The following PRKCI variants were observed in gnomAD, a reference collection of about 807,000 sequenced individuals.
PRKCI encodes protein kinase C iota, also known as protein kinase C iota type.
In PRKCI, 43 loss-of-function variants were observed where a neutral mutation model predicts 84.0. That is an observed-to-expected ratio of 0.51 (90% confidence interval 0.40 to 0.66). The LOEUF (loss-of-function observed/expected upper bound fraction) is 0.66, where lower values mean the gene tolerates loss of function less well. Among genes scored for constraint, PRKCI ranks in the 30% least tolerant of loss-of-function variants. The probability of loss-of-function intolerance (pLI) is 0.00; values close to 1 mark genes in which losing one functional copy is unlikely to be tolerated. For missense variants in PRKCI, 459 were observed against 745.6 expected (o/e 0.62, Z 4.48); for synonymous variants, 216 against 234.4 (o/e 0.92, Z 0.72).
intron 4 of PRKCI, among the ~76,000 whole-genome samples, chr3:170,265,595 C>T (rs9825824): frequency 0.081 from 12,294 of 151,428 alleles, 1,193 homozygotes; most frequent in African/African-American, 0.23. Context: ...TTGAATTAAT[C>T]GAAATAGCTC....
At chr3:170,249,069 C>T (rs1733367873) in intron 2 of PRKCI, among the ~76,000 whole-genome samples, 1 of 151,914 alleles carries the variant, frequency 6.6e-6, no homozygotes, top group African/African-American at 2.4e-5. Context: ...AGGATGGTCT[C>T]GATCTCCTGA....
intron 5 of PRKCI, among the ~76,000 whole-genome samples, chr3:170,268,954 G>A (rs547722606): frequency 2.0e-5 from 3 of 151,804 alleles, no homozygotes; most frequent in Non-Finnish European, 2.9e-5. Context: ...CCGCTCTATC[G>A]CCCAGGCTGG....
At chr3:170,280,483 T>A in intron 9 of PRKCI, 80 bp downstream of exon 9, 1 of 1,337,558 alleles carries the variant, frequency 7.5e-7, no homozygotes, top group Non-Finnish European at 1.0e-6. Context: ...GTTTCGCTCT[T>A]GTCACCCAGC....
At chr3:170,243,958 G>A (rs1733206013) in intron 2 of PRKCI, among the ~76,000 whole-genome samples, 1 of 152,234 alleles carries the variant, frequency 6.6e-6, no homozygotes, top group Non-Finnish European at 1.5e-5. Flanking sequence ...ACCCTTGGCA[G>A]TGGTGGAGTG....
intron 2 of PRKCI, among the ~76,000 whole-genome samples, chr3:170,235,857 G>A (rs117783031): frequency 6.6e-6 from 1 of 151,746 alleles, no homozygotes. Context: ...GAGCCACTGT[G>A]CCCAGCCTAA....
chr3:170,292,634 C>T (rs530725867), intron 13 of PRKCI, among the ~76,000 whole-genome samples: 8 of 150,130 alleles, frequency 5.3e-5, no homozygotes, highest in Non-Finnish European at 7.4e-5. Flanking sequence ...GGCGTGAACC[C>T]GGGAGGCGGA....
intron 4 of PRKCI, among the ~76,000 whole-genome samples, chr3:170,265,835 A>T (rs371623561): frequency 6.6e-6 from 1 of 151,426 alleles, no homozygotes; most frequent in African/African-American, 2.4e-5. Flanking sequence ...GCTAGCCAGG[A>T]TGGTCTCAAT....
Position 170,303,112 on chromosome 3 carries a change from A to C in PRKCI, c.1776A>C (p.Ala592=). 6.2e-7 allele frequency: 1 copy of C among 1,602,092 alleles called. No homozygotes were observed. The highest frequency in any genetic ancestry group is 8.5e-7 in the Non-Finnish European group (1 of 1,174,162). The part of the protein sequence containing the change: ...FEYINPLLMS[A]EECV ...ATATCAATCCTCTTTTGATGTCTGC[A>C]GAAGAATGTGTCTGATCCTCATTTT... is the stretch of plus-strand genomic sequence containing the variant. The change falls in exon 18 of 18, where the codon GCA becomes GCC. Residue 592 remains alanine (A), a synonymous_variant. Transcript: ENST00000295797.
chr3:170,290,894 T>C (rs530778604), intron 12 of PRKCI, among the ~76,000 whole-genome samples: 38 of 152,274 alleles, frequency 2.5e-4, no homozygotes, highest in Non-Finnish European at 5.0e-4. Flanking sequence ...TCCCAGCACT[T>C]TGGGAGGCCG....
chr3:170,265,366 A>C (rs1379367874), intron 4 of PRKCI, among the ~76,000 whole-genome samples: 1 of 152,196 alleles, frequency 6.6e-6, no homozygotes, highest in Non-Finnish European at 1.5e-5. Context: ...TTTCTTTGGA[A>C]TATCTAAGCC....
At chr3:170,237,773 T>A (rs1733016659) in intron 2 of PRKCI, among the ~76,000 whole-genome samples, 1 of 152,190 alleles carries the variant, frequency 6.6e-6, no homozygotes, top group South Asian at 2.1e-4. Flanking sequence ...TAATTCATGT[T>A]CACTGTTCAG....
intron 2 of PRKCI, among the ~76,000 whole-genome samples, chr3:170,259,563 C>T (rs918877465): frequency 6.6e-6 from 1 of 152,170 alleles, no homozygotes; most frequent in Non-Finnish European, 1.5e-5. Flanking sequence ...AATCCCAGCA[C>T]TTTGGGAGGC....
chr3:170,258,849 A>G (rs1733652278), intron 2 of PRKCI, among the ~76,000 whole-genome samples: 1 of 152,226 alleles, frequency 6.6e-6, no homozygotes, highest in Non-Finnish European at 1.5e-5. Context: ...AAAATTTGAT[A>G]AAATGATTAC....
intron 1 of PRKCI, among the ~76,000 whole-genome samples, chr3:170,225,572 CTT>C (rs149893996): frequency 6.3e-5 from 9 of 142,660 alleles, no homozygotes; most frequent in Non-Finnish European, 7.7e-5. Context: ...CTTTTCTTTT[CTT>C]TTTTTTTTTT....
intron 11 of PRKCI, among the ~76,000 whole-genome samples, chr3:170,282,940 A>G (rs571792538): frequency 4.6e-5 from 7 of 151,934 alleles, no homozygotes; most frequent in Admixed American, 1.3e-4. Context: ...CCCCATCTCT[A>G]CTAAAAATAT....
At chr3:170,300,259 A>G (rs1299024330) in intron 17 of PRKCI, among the ~76,000 whole-genome samples, 1 of 152,190 alleles carries the variant, frequency 6.6e-6, no homozygotes, top group African/African-American at 2.4e-5. Flanking sequence ...AACCTCTCTG[A>G]CGTGACCTTG....
At chr3:170,256,699 T>C (rs1479061264) in intron 2 of PRKCI, among the ~76,000 whole-genome samples, 2 of 152,222 alleles carry the variant, frequency 1.3e-5, no homozygotes, top group Admixed American at 1.3e-4. Context: ...TCTTTTCTTC[T>C]ACTAATTTTG....
intron 2 of PRKCI, among the ~76,000 whole-genome samples, chr3:170,256,573 C>A (rs947994480): frequency 2.0e-5 from 3 of 151,798 alleles, no homozygotes; most frequent in African/African-American, 7.3e-5. Flanking sequence ...TATTTTTAGT[C>A]CGGTTAAAGG....
rs1733892749 is a variant in PRKCI, at chr3:170,267,571, G to A, written c.365-344G>A. Among the ~76,000 whole-genome samples, 3 of 151,314 alleles carry A rather than the reference G, an allele frequency of 2.0e-5. No homozygotes were observed. In the South Asian group the frequency reaches 6.3e-4, roughly 32 times the overall value. ...CTCTGTAATCTCAGCTACTTGGGAG[G>A]CTGAGGCAGGAGAATCACTTGAACC... On this transcript the variant is annotated intron_variant, in intron 4 of 17. Coordinates refer to ENST00000295797, the MANE Select transcript of PRKCI (RefSeq NM_002740.6).
Sources: allele counts gnomAD v4.1 joint callset (sites outside exome capture counted in the v4.1 genomes callset), GRCh38; gene constraint gnomAD v4.1.1; transcripts MANE v1.5; gene names NCBI Gene and HGNC (gene_info 2026-07-23, HGNC 2026-07-21).